Variants in CAMK2D observed in about 807,000 individuals in gnomAD.
CAMK2D encodes calcium/calmodulin dependent protein kinase II delta.
A neutral mutation model predicts 84.0 loss-of-function variants in CAMK2D; 37 were observed. That is an observed-to-expected ratio of 0.44 (90% confidence interval 0.34 to 0.58). CAMK2D has a LOEUF of 0.58. Among genes scored for constraint, CAMK2D ranks in the 20% least tolerant of loss-of-function variants. CAMK2D has a pLI of 0.02. For missense variants in CAMK2D, 448 were observed against 652.5 expected, an observed-to-expected ratio of 0.69 and a Z score of 3.41; for synonymous variants, 202 against 212.5, an observed-to-expected ratio of 0.95 and a Z score of 0.43.
At chr4:113,685,707 C>A (rs928900038) in intron 2 of CAMK2D, among the ~76,000 whole-genome samples, 1 of 151,982 alleles carries the variant, frequency 6.6e-6, no homozygotes, top group Non-Finnish European at 1.5e-5. Flanking sequence ...TATAATATAA[C>A]CAATGCTATT....
chr4:113,554,641 A>AT (rs1216341857), intron 4 of CAMK2D, among the ~76,000 whole-genome samples: 1 of 152,148 alleles, frequency 6.6e-6, no homozygotes, highest in Non-Finnish European at 1.5e-5. Context: ...ATCAGTTATA[A>AT]TAGAATTCAA....
intron 16 of CAMK2D, among the ~76,000 whole-genome samples, chr4:113,477,026 G>C (rs950868423): frequency 2.2e-4 from 33 of 152,142 alleles, no homozygotes; most frequent in African/African-American, 8.0e-4. Flanking sequence ...CAAGTTCTCA[G>C]AGAGGCAGAT....
At chr4:113,595,572 G>A (rs2098921623) in intron 4 of CAMK2D, among the ~76,000 whole-genome samples, 1 of 151,846 alleles carries the variant, frequency 6.6e-6, no homozygotes, top group Non-Finnish European at 1.5e-5. Flanking sequence ...TACCCATGAA[G>A]TAGTATAGGA....
At chr4:113,674,261 A>G (rs2099308686) in intron 2 of CAMK2D, among the ~76,000 whole-genome samples, 1 of 152,192 alleles carries the variant, frequency 6.6e-6, no homozygotes, top group African/African-American at 2.4e-5. Context: ...AATTTATGAT[A>G]CATATGAAAT....
chr4:113,700,022 T>A (rs1207967647), intron 2 of CAMK2D, among the ~76,000 whole-genome samples: 1 of 152,206 alleles, frequency 6.6e-6, no homozygotes, highest in Non-Finnish European at 1.5e-5. Flanking sequence ...TGGTACTTTT[T>A]GAATATCAAA....
chr4:113,494,093 C>T (rs1310242988), intron 16 of CAMK2D, among the ~76,000 whole-genome samples: 2 of 152,124 alleles, frequency 1.3e-5, no homozygotes, highest in Admixed American at 1.3e-4. Flanking sequence ...TTTGAATGTC[C>T]TCCCGTAGCT....
chr4:113,473,646 T>C (rs1337992163), intron 16 of CAMK2D, among the ~76,000 whole-genome samples: 1 of 152,130 alleles, frequency 6.6e-6, no homozygotes, highest in Non-Finnish European at 1.5e-5. Flanking sequence ...AAAAAATAAA[T>C]AAATTATTCA....
chr4:113,648,632 A>G (rs1178402294), intron 3 of CAMK2D, among the ~76,000 whole-genome samples: 2 of 152,236 alleles, frequency 1.3e-5, no homozygotes, highest in African/African-American at 4.8e-5. Flanking sequence ...ATAAGTGCTC[A>G]ACCACAGTTA....
At chr4:113,640,832 T>G (rs2099129894) in intron 3 of CAMK2D, among the ~76,000 whole-genome samples, 1 of 152,142 alleles carries the variant, frequency 6.6e-6, no homozygotes, top group Non-Finnish European at 1.5e-5. Flanking sequence ...GTTGACAACT[T>G]TTATAAGGTA....
chr4:113,695,922 T>C (rs2154344537), intron 2 of CAMK2D, among the ~76,000 whole-genome samples: 1 of 152,094 alleles, frequency 6.6e-6, no homozygotes, highest in African/African-American at 2.4e-5. Flanking sequence ...CCCCTGCCCC[T>C]TACCTTATCT....
At chr4:113,666,162 G>A (rs2099256356) in intron 2 of CAMK2D, among the ~76,000 whole-genome samples, 1 of 152,082 alleles carries the variant, frequency 6.6e-6, no homozygotes, top group African/African-American at 2.4e-5. Context: ...TTCACTCAAC[G>A]ATAGAAATAT....
chr4:113,572,909 G>T (rs557947433), intron 4 of CAMK2D, among the ~76,000 whole-genome samples: 369 of 152,236 alleles, frequency 2.4e-3, no homozygotes, highest in Non-Finnish European at 3.6e-3. Flanking sequence ...GGATGGGGCT[G>T]GAGGTTACCA....
intron 4 of CAMK2D, among the ~76,000 whole-genome samples, chr4:113,599,077 T>C (rs942886054): frequency 2.4e-4 from 36 of 152,284 alleles, no homozygotes; most frequent in African/African-American, 9.6e-5. Flanking sequence ...TCATTGTATG[T>C]CATTAGGAAA....
chr4:113,478,453 G>A (rs143371479), intron 16 of CAMK2D, among the ~76,000 whole-genome samples: 1 of 152,212 alleles, frequency 6.6e-6, no homozygotes, highest in African/African-American at 2.4e-5. Flanking sequence ...ATAGCCCTAA[G>A]TTCCTTCTTA....
intron 2 of CAMK2D, among the ~76,000 whole-genome samples, chr4:113,684,306 C>T (rs934171564): frequency 6.6e-6 from 1 of 152,104 alleles, no homozygotes; most frequent in African/African-American, 2.4e-5. Context: ...ATTAACACGT[C>T]ATACAAAATA....
chr4:113,525,655 A>C (rs528090595), intron 8 of CAMK2D, among the ~76,000 whole-genome samples: 1 of 152,316 alleles, frequency 6.6e-6, no homozygotes, highest in Admixed American at 6.5e-5. Context: ...TAATAAAAAT[A>C]ATGTACAGGC....
intron 4 of CAMK2D, among the ~76,000 whole-genome samples, chr4:113,579,139 A>T (rs2098797114): frequency 6.6e-6 from 1 of 152,170 alleles, no homozygotes; most frequent in Non-Finnish European, 1.5e-5. Flanking sequence ...ACTATATTCC[A>T]CTGACTGTTT....
chr4:113,754,456 G>T (rs527252551), intron 2 of CAMK2D: 2 of 925,276 alleles, frequency 2.2e-6, no homozygotes, highest in Admixed American at 1.2e-4. Flanking sequence ...ATCCATAAAA[G>T]GTGACATATT....
At chr4:113,496,441 A>G (rs766385263) in intron 16 of CAMK2D, among the ~76,000 whole-genome samples, 3 of 130,132 alleles carry the variant, frequency 2.3e-5, no homozygotes, top group Non-Finnish European at 4.9e-5. Context: ...TGGGACTCCC[A>G]TTTGCTTTTT....
Sources: gnomAD v4.1 joint callset for allele counts (sites outside exome capture counted in the v4.1 genomes callset) on GRCh38, gnomAD v4.1.1 for gene constraint, MANE v1.5 for transcripts, NCBI Gene and HGNC (gene_info 2026-07-23, HGNC 2026-07-21) for gene names.